GCNT1: variants seen among roughly 807,000 people sequenced by gnomAD.
The protein encoded by GCNT1 is glucosaminyl (N-acetyl) transferase 1, also known as beta-1,3-galactosyl-O-glycosyl-glycoprotein beta-1,6-N-acetylglucosaminyltransferase.
GCNT1 carries 16 observed loss-of-function variants against 26.2 expected under a neutral mutation model. That is an observed-to-expected ratio of 0.61 (90% confidence interval 0.41 to 0.93). GCNT1 has a LOEUF of 0.93. Among genes scored for constraint, GCNT1 ranks in the 40% least tolerant of loss-of-function variants. GCNT1 has a pLI of 0.00. For synonymous variants in GCNT1, 183 were observed against 190.8 expected, an observed-to-expected ratio of 0.96 and a Z score of 0.34; for missense variants, 477 against 526.7, an observed-to-expected ratio of 0.91 and a Z score of 0.92.
chr9:76,503,851 A>C lies in GCNT1; in HGVS notation c.*183A>C, dbSNP rs1400293960. 2 of 614,000 alleles carry C rather than the reference A, an allele frequency of 3.3e-6. No individual in the cohort carries two copies. The highest frequency in any genetic ancestry group is 3.7e-5 in the African/African-American group (2 of 53,794). 38.0% of individuals were successfully genotyped at this position (614,000 alleles called of 1,614,324 possible). A position where few individuals can be genotyped will look rare whatever the true frequency, so the allele number is the denominator to read the frequency against. On this transcript the variant is annotated 3_prime_UTR_variant, in exon 4 of 4. Coordinates refer to ENST00000376730, the MANE Select transcript of GCNT1 (RefSeq NM_001490.5). ...GAGCACAGTTAGCTAGAAAGGTGAT[A>C]GCATTAAATGTTCATCTAGAGTTAA... is the stretch of plus-strand genomic sequence containing the variant.
At chr9:76,465,410 C>A (rs867782665) in intron 2 of GCNT1, among the ~76,000 whole-genome samples, 1 of 152,166 alleles carries the variant, frequency 6.6e-6, no homozygotes, top group Admixed American at 6.5e-5. Flanking sequence ...AGGTGTGAGC[C>A]ACCGCACCTG....
In GCNT1 at chr9:76,428,846, A is replaced by G. The variant is rs146962556; in HGVS notation, n.38+8959A>G. 2.6e-3 allele frequency among the ~76,000 whole-genome samples: 396 copies of G among 151,930 alleles called. 1 individual carries two copies. Among genetic ancestry groups the G allele is most frequent in the African/African-American group, 9.3e-3 (384 of 41,438 alleles). On this transcript the variant is annotated intron_variant and non_coding_transcript_variant, in intron 1 of 3. Transcript: ENST00000488136. ...CTCCTGAGTAGCTGGGATTACAGGC[A>G]TGCACCACCACACCCGGCTAATTTT...
At chr9:76,394,792 C>G in the GCNT1 span, among the ~76,000 whole-genome samples, 2 of 152,200 alleles carry the variant, frequency 1.3e-5, no homozygotes, top group Non-Finnish European at 2.9e-5. Context: ...GTGAGACGCT[C>G]TTTAGCTCCT....
At chr9:76,467,115 T>C (rs2131600189) in intron 2 of GCNT1, among the ~76,000 whole-genome samples, 1 of 152,202 alleles carries the variant, frequency 6.6e-6, no homozygotes, top group South Asian at 2.1e-4. Flanking sequence ...CGATCTCAGC[T>C]CACTGCAACC....
exon 1 of GCNT1, chr9:76,441,994 T>A (rs1162170295): frequency 6.6e-6 from 1 of 152,182 alleles, no homozygotes; most frequent in Admixed American, 6.5e-5. Flanking sequence ...GTGATACGGA[T>A]CAATGTGAAA....
At chr9:76,406,963 C>A in the GCNT1 span, among the ~76,000 whole-genome samples, 3 of 152,078 alleles carry the variant, frequency 2.0e-5, no homozygotes, top group Non-Finnish European at 4.4e-5. Flanking sequence ...ATCATTTGAA[C>A]CCCAGAGGCA....
At chr9:76,442,246 A>T (rs1167151932) in exon 1 of GCNT1, 2 of 152,286 alleles carry the variant, frequency 1.3e-5, no homozygotes, top group East Asian at 3.8e-4. Context: ...TCCCAGAAAG[A>T]AACACGGTTC....
chr9:76,502,623 A>G lies in GCNT1; in HGVS notation c.242A>G (p.Lys81Arg), dbSNP rs777663361. Reference protein sequence around the residue: ...QKVKLEILTVKFKKRPRWTPD... With the variant: ...QKVKLEILTVRFKKRPRWTPD... ...GTAAAGCTTGAGATCCTAACAGTGA[A>G]ATTTAAAAAGCGCCCTCGGTGGACA... The change falls in exon 4 of 4, where the codon AAA becomes AGA. Residue 81 changes from lysine (K) to arginine (R), a missense_variant. Coordinates refer to ENST00000376730, the MANE Select transcript of GCNT1 (RefSeq NM_001490.5). 2 of 1,613,938 alleles carry G rather than the reference A, an allele frequency of 1.2e-6. No homozygotes were observed. The highest frequency in any genetic ancestry group is 2.2e-5 in the South Asian group (2 of 91,066).
chr9:76,439,698 T>C (rs1823456884), upstream of GCNT1, among the ~76,000 whole-genome samples: 1 of 152,200 alleles, frequency 6.6e-6, no homozygotes, highest in Non-Finnish European at 1.5e-5. Context: ...AACAGTGCTC[T>C]CCTTGCACTA....
chr9:76,492,443 G>A (rs1461859675), intron 2 of GCNT1, among the ~76,000 whole-genome samples: 1 of 151,976 alleles, frequency 6.6e-6, no homozygotes, highest in Non-Finnish European at 1.5e-5. Context: ...AAGGGACCTT[G>A]AGGACAGCTG....
chr9:76,399,724 A>G, the GCNT1 span: 3 of 597,552 alleles, frequency 5.0e-6, no homozygotes, highest in Non-Finnish European at 8.9e-6. Flanking sequence ...TGCAAATGGA[A>G]TGGATGAATG....
upstream of GCNT1, among the ~76,000 whole-genome samples, chr9:76,416,470 CA>C (rs1823133754): frequency 6.6e-6 from 1 of 152,202 alleles, no homozygotes; most frequent in Non-Finnish European, 1.5e-5. Context: ...CCATGAATGG[CA>C]ACTGCTAAAA....
chr9:76,439,951 A>G (rs1823461533), upstream of GCNT1, among the ~76,000 whole-genome samples: 1 of 151,944 alleles, frequency 6.6e-6, no homozygotes, highest in African/African-American at 2.4e-5. Context: ...AATACAAAAA[A>G]TTAGCCGGGC....
At chr9:76,431,251 A>G (rs748215723) in intron 1 of GCNT1, among the ~76,000 whole-genome samples, 31 of 152,266 alleles carry the variant, frequency 2.0e-4, no homozygotes, top group Non-Finnish European at 3.7e-4. Flanking sequence ...ATCAGACTCC[A>G]CAAGGTAAGG....
intron 2 of GCNT1, among the ~76,000 whole-genome samples, chr9:76,483,960 G>A (rs1168854173): frequency 1.3e-5 from 2 of 152,148 alleles, no homozygotes; most frequent in Non-Finnish European, 2.9e-5. Context: ...GATCGTAAGT[G>A]TGTGCCACCA....
chr9:76,397,505 G>A, the GCNT1 span, among the ~76,000 whole-genome samples: 1 of 149,448 alleles, frequency 6.7e-6, no homozygotes, highest in Non-Finnish European at 1.5e-5. Flanking sequence ...GTGCAGTGGC[G>A]CAATCTCGGC....
intron 2 of GCNT1, among the ~76,000 whole-genome samples, chr9:76,479,688 G>C (rs548213184): frequency 6.6e-6 from 1 of 152,136 alleles, no homozygotes; most frequent in Non-Finnish European, 1.5e-5. Flanking sequence ...CATATCCTTC[G>C]CCCACTTGTT....
chr9:76,454,847 T>C (rs537990909), upstream of GCNT1, among the ~76,000 whole-genome samples: 34 of 137,230 alleles, frequency 2.5e-4, no homozygotes, highest in East Asian at 9.9e-4. Context: ...CTTTTCTTTT[T>C]TTTTTTTTTT....
intron 1 of GCNT1, among the ~76,000 whole-genome samples, chr9:76,432,476 A>G (rs1823349303): frequency 6.6e-6 from 1 of 151,624 alleles, no homozygotes; most frequent in Non-Finnish European, 1.5e-5. Context: ...AGTAGCAGGG[A>G]CTACAGGCAC....
Sources: allele counts gnomAD v4.1 joint callset (sites outside exome capture counted in the v4.1 genomes callset), GRCh38; gene constraint gnomAD v4.1.1; transcripts MANE v1.5; gene names NCBI Gene and HGNC (gene_info 2026-07-23, HGNC 2026-07-21).